RALYL: variants seen among roughly 807,000 people sequenced by gnomAD.
RALYL encodes the protein RALY RNA binding protein like, also known as RNA-binding Raly-like protein.
Under a neutral mutation model 35.1 loss-of-function variants are expected in RALYL, and 29 were observed. That is an observed-to-expected ratio of 0.83 (90% CI 0.61 to 1.13). The LOEUF (loss-of-function observed/expected upper bound fraction) is 1.13, where lower values mean the gene tolerates loss of function less well. Ranked by LOEUF, RALYL falls within the 50% of genes most tolerant of loss-of-function variation. The pLI, the probability that RALYL is intolerant of heterozygous loss-of-function variation, is 0.00. For synonymous variants in RALYL, 120 were observed against 127.6 expected, an observed-to-expected ratio of 0.94 and a Z score of 0.40; for missense variants, 359 against 360.4, an observed-to-expected ratio of 1.00 and a Z score of 0.03.
chr8:84,704,267 A>G (rs1156715462), intron 2 of RALYL, among the ~76,000 whole-genome samples: 1 of 152,132 alleles, frequency 6.6e-6, no homozygotes, highest in Admixed American at 6.6e-5. Flanking sequence ...TCTACCAAAA[A>G]TATAAAAATT....
At chr8:84,526,338 T>A (rs2058896548) in intron 1 of RALYL, among the ~76,000 whole-genome samples, 1 of 152,182 alleles carries the variant, frequency 6.6e-6, no homozygotes, top group Non-Finnish European at 1.5e-5. Context: ...ATCTTAAGCC[T>A]TGTTTTCAAC....
intron 1 of RALYL, among the ~76,000 whole-genome samples, chr8:84,297,957 G>A (rs1477770785): frequency 6.6e-6 from 1 of 152,062 alleles, no homozygotes; most frequent in Non-Finnish European, 1.5e-5. Flanking sequence ...TGCCTAGTTT[G>A]CAAATATTTT....
rs377051716 is a variant in RALYL, at chr8:84,769,756, C to CA, written c.257-4816dup. On this transcript the variant is annotated intron_variant, in intron 2 of 8. Transcript: ENST00000521268. Reference sequence around the variant, plus strand: ...TGTCTCAGAGAAAAACAAAAACAAACAAAAAAACCCTATTTTCTCTGATGT... The same window carrying CA: ...TGTCTCAGAGAAAAACAAAAACAAACAAAAAAAACCCTATTTTCTCTGATGT... Among the ~76,000 whole-genome samples the CA allele has an allele frequency of 5.3e-3, 802 of 151,962 alleles. 7 individuals are homozygous for CA. Among genetic ancestry groups the CA allele is most frequent in the African/African-American group, 0.018 (764 of 41,484 alleles).
chr8:84,226,207 TATGAGAATCTA>T (rs1261127730), intron 1 of RALYL, among the ~76,000 whole-genome samples: 3 of 152,120 alleles, frequency 2.0e-5, no homozygotes, highest in African/African-American at 7.2e-5. Context: ...GCATGCTTCT[TATGAGAATCTA>T]ATGCCTGATG....
chr8:84,854,111 C>T (rs1403789004), intron 5 of RALYL, among the ~76,000 whole-genome samples: 2 of 152,120 alleles, frequency 1.3e-5, no homozygotes, highest in Non-Finnish European at 2.9e-5. Context: ...TTTGGGAGGC[C>T]GAGGCAGACG....
At chr8:84,270,807 G>T (rs1200398230) in intron 1 of RALYL, among the ~76,000 whole-genome samples, 9 of 151,928 alleles carry the variant, frequency 5.9e-5, no homozygotes, top group Non-Finnish European at 2.9e-5. Flanking sequence ...AATTAATTTT[G>T]TTCTGAGTCT....
intron 2 of RALYL, among the ~76,000 whole-genome samples, chr8:84,573,913 A>G (rs1785103782): frequency 6.6e-6 from 1 of 151,566 alleles, no homozygotes; most frequent in Admixed American, 6.6e-5. Flanking sequence ...CTTTTCTTTT[A>G]ATTTTAGGCT....
chr8:84,630,245 A>C lies in RALYL; in HGVS notation c.256+100668A>C, dbSNP rs2131229118. Among the ~76,000 whole-genome samples, 6 of 152,164 alleles carry C rather than the reference A, an allele frequency of 3.9e-5. No homozygotes were observed. The South Asian group carries it at 1.2e-3, about 32-fold the overall frequency. On this transcript the variant is annotated intron_variant, in intron 2 of 8. Transcript: ENST00000521268. ...TACAAATGTTTCACTAATTAGTAAC[A>C]GGAAAGCCACCCTAAATACAGCTTG...
chr8:84,328,332 T>A (rs1056192578), intron 1 of RALYL, among the ~76,000 whole-genome samples: 1 of 152,200 alleles, frequency 6.6e-6, no homozygotes, highest in African/African-American at 2.4e-5. Context: ...TAAGTGCTCT[T>A]CATGAAGTTG....
At chr8:84,843,065 G>C (rs1833790974) in intron 4 of RALYL, among the ~76,000 whole-genome samples, 1 of 152,182 alleles carries the variant, frequency 6.6e-6, no homozygotes, top group Non-Finnish European at 1.5e-5. Flanking sequence ...ACAAGACAGG[G>C]ATGCCCTCTC....
At chr8:84,672,353 C>T (rs1833427205) in intron 2 of RALYL, among the ~76,000 whole-genome samples, 1 of 152,166 alleles carries the variant, frequency 6.6e-6, no homozygotes, top group African/African-American at 2.4e-5. Context: ...CACATCTTGT[C>T]TTATGAGCCT....
chr8:84,211,235 C>T (rs1305445656), intron 1 of RALYL, among the ~76,000 whole-genome samples: 3 of 152,056 alleles, frequency 2.0e-5, no homozygotes, highest in African/African-American at 4.8e-5. Flanking sequence ...ATACCTTTCT[C>T]GTACATCATC....
At chr8:84,397,030 T>G (rs190957444) in intron 1 of RALYL, among the ~76,000 whole-genome samples, 44 of 152,234 alleles carry the variant, frequency 2.9e-4, no homozygotes, top group Non-Finnish European at 4.9e-4. Flanking sequence ...GAAGACAATC[T>G]TGGATTACCC....
chr8:84,613,867 T>TAC (rs1198381295), intron 2 of RALYL, among the ~76,000 whole-genome samples: 40 of 148,606 alleles, frequency 2.7e-4, no homozygotes, highest in Non-Finnish European at 4.6e-4. Flanking sequence ...GATTTATATA[T>TAC]ATATATATAT....
At chr8:84,287,547 C>G (rs970307674) in intron 1 of RALYL, among the ~76,000 whole-genome samples, 13 of 151,720 alleles carry the variant, frequency 8.6e-5, no homozygotes, top group Non-Finnish European at 1.8e-4. Flanking sequence ...ACATGAGAAT[C>G]GAAAGAGGAG....
intron 1 of RALYL, among the ~76,000 whole-genome samples, chr8:84,462,526 T>C (rs1377111174): frequency 2.0e-5 from 3 of 151,644 alleles, no homozygotes; most frequent in East Asian, 1.9e-4. Flanking sequence ...TTTTATACTT[T>C]TGCATCTTAT....
chr8:84,402,826 T>G (rs987644529), intron 1 of RALYL, among the ~76,000 whole-genome samples: 4 of 152,164 alleles, frequency 2.6e-5, no homozygotes, highest in African/African-American at 9.7e-5. Flanking sequence ...GCACCTGTTG[T>G]TTCCTGACTT....
intron 1 of RALYL, among the ~76,000 whole-genome samples, chr8:84,463,259 A>C (rs1335363562): frequency 2.0e-5 from 3 of 152,034 alleles, no homozygotes. Context: ...TCTTCCATTA[A>C]GTGTAGTGTA....
At chr8:84,722,613 G>T (rs1844137738) in intron 2 of RALYL, among the ~76,000 whole-genome samples, 1 of 71,186 alleles carries the variant, frequency 1.4e-5, no homozygotes, top group Admixed American at 1.2e-4. Context: ...TTCCTAGAGT[G>T]ATTTTATATA....
Sources: gnomAD v4.1 joint callset for allele counts (sites outside exome capture counted in the v4.1 genomes callset) on GRCh38, gnomAD v4.1.1 for gene constraint, MANE v1.5 for transcripts, NCBI Gene and HGNC (gene_info 2026-07-23, HGNC 2026-07-21) for gene names.